AKAP6: variants seen among roughly 807,000 people sequenced by gnomAD.
AKAP6 encodes A-kinase anchoring protein 6.
AKAP6 carries 58 observed loss-of-function variants against 188.5 expected under a neutral mutation model. The ratio of observed to expected loss-of-function variants is 0.31; its 90% CI spans 0.25 to 0.38. The LOEUF is 0.38. Among genes scored for constraint, AKAP6 ranks in the 10% least tolerant of loss-of-function variants. The probability of loss-of-function intolerance (pLI) is 1.00; values close to 1 mark genes in which losing one functional copy is unlikely to be tolerated. For missense variants in AKAP6, 2,710 were observed against 2,740.0 expected (o/e 0.99, Z 0.24); for synonymous variants, 989 against 998.6 (o/e 0.99, Z 0.18).
intron 12 of AKAP6, among the ~76,000 whole-genome samples, chr14:32,788,796 C>G (rs891402840): frequency 6.6e-6 from 1 of 152,156 alleles, no homozygotes; most frequent in Non-Finnish European, 1.5e-5. Flanking sequence ...CCCTGGCATC[C>G]CTGGCAAGGC....
chr14:32,801,067 G>A (rs1397173329), intron 12 of AKAP6, among the ~76,000 whole-genome samples: 1 of 151,882 alleles, frequency 6.6e-6, no homozygotes, highest in East Asian at 1.9e-4. Flanking sequence ...GCATATAGTT[G>A]GGTCTTGTTC....
At chr14:32,575,969 T>A (rs1884698005) in intron 4 of AKAP6, among the ~76,000 whole-genome samples, 1 of 152,128 alleles carries the variant, frequency 6.6e-6, no homozygotes, top group Non-Finnish European at 1.5e-5. Flanking sequence ...CTCTCCACAA[T>A]TCCATTTTCT....
chr14:32,753,562 C>T (rs58230166), intron 11 of AKAP6, among the ~76,000 whole-genome samples: 3,749 of 151,942 alleles, frequency 0.025, 139 homozygotes, highest in African/African-American at 0.085. Flanking sequence ...CTTGTGTTTT[C>T]GAGGTCATAT....
At chr14:32,735,281 C>T (rs957305885) in intron 10 of AKAP6, among the ~76,000 whole-genome samples, 1 of 152,064 alleles carries the variant, frequency 6.6e-6, no homozygotes, top group African/African-American at 2.4e-5. Context: ...TTACTATAAA[C>T]TCCTATCATG....
intron 1 of AKAP6, among the ~76,000 whole-genome samples, chr14:32,347,293 A>G (rs1003233196): frequency 6.6e-6 from 1 of 152,198 alleles, no homozygotes; most frequent in Non-Finnish European, 1.5e-5. Context: ...AAATTATTTT[A>G]GCTAACCCAT....
intron 12 of AKAP6, among the ~76,000 whole-genome samples, chr14:32,782,014 A>T (rs549621925): frequency 2.6e-5 from 4 of 151,828 alleles, no homozygotes; most frequent in Non-Finnish European, 5.9e-5. Flanking sequence ...AAATACAAAA[A>T]CTTAGCTGGG....
rs564862497 is a variant in AKAP6, at chr14:32,380,621, G to T, written c.-35+51213G>T. Among the ~76,000 whole-genome samples the T allele has an allele frequency of 7.9e-5, 12 of 152,286 alleles. No individual in the cohort carries two copies. In the East Asian group the frequency reaches 2.3e-3, roughly 29 times the overall value. Reference sequence around the variant, plus strand: ...TCTTCCTTCAAGAGGCATATAGACAGAAAAGCTATAAAATTTCTGCCTCTC... The same window carrying T: ...TCTTCCTTCAAGAGGCATATAGACATAAAAGCTATAAAATTTCTGCCTCTC... On this transcript the variant is annotated intron_variant, in intron 1 of 13. Coordinates refer to ENST00000280979, the MANE Select transcript of AKAP6 (RefSeq NM_004274.5).
chr14:32,803,538 A>G (rs942332484), intron 12 of AKAP6, among the ~76,000 whole-genome samples: 2 of 152,160 alleles, frequency 1.3e-5, no homozygotes, highest in African/African-American at 2.4e-5. Context: ...TCGAGCTCAA[A>G]TACCTCCTCT....
chr14:32,748,210 G>A lies in AKAP6; in HGVS notation c.3372+12328G>A, dbSNP rs74041677. ...GTGCTCTCCACTCAAGTAAGTATAG[G>A]ATGGGAACAGTGAATCTGATCCATC... On this transcript the variant is annotated intron_variant, in intron 11 of 13. Coordinates refer to ENST00000280979, the MANE Select transcript of AKAP6 (RefSeq NM_004274.5). 7.7e-3 allele frequency among the ~76,000 whole-genome samples: 1,171 copies of A among 152,324 alleles called. 10 individuals carry two copies. The highest frequency in any genetic ancestry group is 0.027 in the African/African-American group (1,114 of 41,570).
rs1566741049 is a variant in AKAP6, at chr14:32,824,685, C to A, written c.6872C>A (p.Ala2291Asp). Residue 2291 changes from alanine (A) to aspartate (D), a missense_variant, in exon 13 of 14, where the codon GCC becomes GAC. Ala to Asp is a moderately radical substitution (Grantham distance 126). Coordinates refer to ENST00000280979, the MANE Select transcript of AKAP6 (RefSeq NM_004274.5). ...SLKANQPTDK[A>D]ALHPSPKTLT... ...AAGGCAAATCAGCCAACAGACAAGG[C>A]CGCATTGCATCCCAGCCCCAAAACT... The A allele has an allele frequency of 6.2e-7, 1 of 1,613,918 alleles. No individual in the cohort carries two copies.
At chr14:32,732,022 A>G (rs2031197727) in intron 9 of AKAP6, among the ~76,000 whole-genome samples, 1 of 152,112 alleles carries the variant, frequency 6.6e-6, no homozygotes, top group South Asian at 2.1e-4. Context: ...TTAACTGAGA[A>G]TTCAGATAAC....
At position 32,433,605 on chromosome 14, in the gene AKAP6, G is replaced by C. The variant is rs1890288754; in HGVS notation, c.112G>C (p.Glu38Gln). 1.2e-6 allele frequency: 2 copies of C among 1,614,068 alleles called. No homozygotes were observed. Among genetic ancestry groups the C allele is most frequent in the African/African-American group, 2.7e-5 (2 of 74,922 alleles). ...INMTPTVEQGEGEEAMKDMDS... is the reference protein window; with the variant it reads ...INMTPTVEQGQGEEAMKDMDS... ...CATGACACCCACTGTGGAGCAGGGT[G>C]AGGGAGAAGAGGCAATGAAGGACAT... Residue 38 changes from glutamate (E) to glutamine (Q), a missense_variant, in exon 2 of 14, where the codon GAG (glutamate) becomes CAG (glutamine). Physicochemically the swap from Glu to Gln is conservative, Grantham distance 29. This residue lies in a region of AKAP6 where 237 missense variants were observed against 313.9 expected (regional missense o/e 0.76). Coordinates refer to ENST00000280979, the MANE Select transcript of AKAP6 (RefSeq NM_004274.5).
chr14:32,364,017 G>A (rs1012727284), intron 1 of AKAP6, among the ~76,000 whole-genome samples: 2 of 151,880 alleles, frequency 1.3e-5, no homozygotes, highest in African/African-American at 4.9e-5. Context: ...ACTGTAAGAA[G>A]GATGAAGTCA....
At chr14:32,734,226 C>T (rs2031314742) in intron 10 of AKAP6, 1 of 151,738 alleles carries the variant, frequency 6.6e-6, no homozygotes, top group African/African-American at 2.4e-5. Context: ...TTTTAATTGG[C>T]ATGAAAAAAA....
At chr14:32,819,982 A>G (rs1024183656) in intron 12 of AKAP6, among the ~76,000 whole-genome samples, 15 of 152,044 alleles carry the variant, frequency 9.9e-5, no homozygotes, top group Non-Finnish European at 2.1e-4. Context: ...ATGTATGGCC[A>G]CCTAATACTG....
intron 12 of AKAP6, among the ~76,000 whole-genome samples, chr14:32,786,911 C>T (rs1355625561): frequency 2.0e-5 from 3 of 151,984 alleles, no homozygotes; most frequent in Admixed American, 6.6e-5. Context: ...TTCTTTTGCT[C>T]TGGCACTCCA....
At chr14:32,334,866 T>C (rs995901511) in intron 1 of AKAP6, among the ~76,000 whole-genome samples, 1 of 152,238 alleles carries the variant, frequency 6.6e-6, no homozygotes, top group African/African-American at 2.4e-5. Flanking sequence ...CCATGGGGCA[T>C]GCTCCAAACT....
chr14:32,451,262 T>A (rs1026666856), intron 2 of AKAP6, among the ~76,000 whole-genome samples: 1 of 152,228 alleles, frequency 6.6e-6, no homozygotes, highest in Non-Finnish European at 1.5e-5. Context: ...ATGAGCTTCC[T>A]AATTACTACA....
chr14:32,588,615 G>A (rs1885351046), intron 5 of AKAP6, among the ~76,000 whole-genome samples: 2 of 152,172 alleles, frequency 1.3e-5, no homozygotes, highest in Admixed American at 1.3e-4. Context: ...TTCCTTTTAA[G>A]ATTGATGCCT....
Sources: allele counts gnomAD v4.1 joint callset (sites outside exome capture counted in the v4.1 genomes callset), GRCh38; gene constraint gnomAD v4.1.1; regional missense constraint gnomAD v4.1.1; transcripts MANE v1.5; gene names NCBI Gene and HGNC (gene_info 2026-07-23, HGNC 2026-07-21).